ARHGEF33: variants seen among roughly 807,000 people sequenced by gnomAD.
The protein encoded by ARHGEF33 is Rho guanine nucleotide exchange factor 33, also known as DH and coiled-coil domain-containing protein ENSP00000381780.
A neutral mutation model predicts 101.9 loss-of-function variants in ARHGEF33; 72 were observed. The ratio of observed to expected loss-of-function variants is 0.71; its 90% CI spans 0.58 to 0.86. ARHGEF33 has a LOEUF of 0.86. Among genes scored for constraint, ARHGEF33 ranks in the 40% least tolerant of loss-of-function variants. The pLI is 0.00. For missense variants in ARHGEF33, 1,169 were observed against 1,111.3 expected (o/e 1.05, Z -0.74); for synonymous variants, 499 against 442.5 (o/e 1.13, Z -1.60).
chr2:38,921,908 G>T (rs959364755), intron 4 of ARHGEF33, among the ~76,000 whole-genome samples: 1 of 152,148 alleles, frequency 6.6e-6, no homozygotes, highest in African/African-American at 2.4e-5. Context: ...TTAGCAGGGA[G>T]AATTGAGAAT....
chr2:38,953,991 G>A (rs775405085), intron 12 of ARHGEF33, among the ~76,000 whole-genome samples: 2 of 152,212 alleles, frequency 1.3e-5, no homozygotes, highest in African/African-American at 4.8e-5. Flanking sequence ...GTCCTGAAGC[G>A]CCAAGTCTCC....
chr2:38,945,700 A>G (rs1667429223), intron 10 of ARHGEF33, among the ~76,000 whole-genome samples: 1 of 152,264 alleles, frequency 6.6e-6, no homozygotes, highest in Non-Finnish European at 1.5e-5. Context: ...ATTCTAAGCC[A>G]GCAGCGTCTC....
At chr2:38,900,947 C>T (rs1016201194) in intron 2 of ARHGEF33, among the ~76,000 whole-genome samples, 1 of 152,210 alleles carries the variant, frequency 6.6e-6, no homozygotes, top group African/African-American at 2.4e-5. Flanking sequence ...AACAGTTCAG[C>T]TCTGGCCTCA....
chr2:38,920,901 C>T (rs1158932533), intron 3 of ARHGEF33, among the ~76,000 whole-genome samples: 1 of 152,124 alleles, frequency 6.6e-6, no homozygotes, highest in Non-Finnish European at 1.5e-5. Context: ...GACAGCAGGG[C>T]AGAGTTCAGA....
intron 10 of ARHGEF33, among the ~76,000 whole-genome samples, chr2:38,945,245 C>G (rs1431691357): frequency 6.6e-6 from 1 of 152,124 alleles, no homozygotes; most frequent in African/African-American, 2.4e-5. Flanking sequence ...TTTTCTTGCT[C>G]CTTACCATCC....
intron 2 of ARHGEF33, among the ~76,000 whole-genome samples, chr2:38,917,682 A>T (rs1045727998): frequency 6.6e-6 from 1 of 151,924 alleles, no homozygotes; most frequent in Non-Finnish European, 1.5e-5. Flanking sequence ...TAAAAAAATT[A>T]GCCAGGCATA....
At chr2:38,895,144 G>A (rs1666092188) in intron 1 of ARHGEF33, among the ~76,000 whole-genome samples, 2 of 152,124 alleles carry the variant, frequency 1.3e-5, no homozygotes, top group South Asian at 2.1e-4. Flanking sequence ...TCCACACTGT[G>A]AGGCAAGTAT....
intron 4 of ARHGEF33, among the ~76,000 whole-genome samples, chr2:38,926,012 CAAG>C (rs1666860820): frequency 6.6e-6 from 1 of 151,746 alleles, no homozygotes; most frequent in Non-Finnish European, 1.5e-5. Flanking sequence ...GTTAAGAAGC[CAAG>C]AAAAGAAAGA....
intron 1 of ARHGEF33, among the ~76,000 whole-genome samples, chr2:38,892,589 C>G (rs750159256): frequency 1.3e-5 from 2 of 152,166 alleles, no homozygotes; most frequent in Non-Finnish European, 2.9e-5. Context: ...CCCCAATTGA[C>G]AAAAACAAAA....
intron 17 of ARHGEF33, among the ~76,000 whole-genome samples, chr2:38,970,226 C>G (rs1668135814): frequency 6.6e-6 from 1 of 152,176 alleles, no homozygotes. Context: ...CCATCACTGT[C>G]TATTTTCTTA....
At chr2:38,912,582 G>C (rs1666531851) in intron 2 of ARHGEF33, among the ~76,000 whole-genome samples, 1 of 152,124 alleles carries the variant, frequency 6.6e-6, no homozygotes, top group Admixed American at 6.5e-5. Context: ...AAAGGACTCT[G>C]TTCCTTTTTA....
At chr2:38,927,691 G>A (rs1323654666) in intron 4 of ARHGEF33, among the ~76,000 whole-genome samples, 1 of 152,172 alleles carries the variant, frequency 6.6e-6, no homozygotes, top group Non-Finnish European at 1.5e-5. Flanking sequence ...GCAAGACCCT[G>A]TCTCAAAACA....
intron 10 of ARHGEF33, among the ~76,000 whole-genome samples, chr2:38,944,876 G>GGGGTGT (rs1553343310): frequency 6.9e-6 from 1 of 145,742 alleles, no homozygotes; most frequent in South Asian, 2.2e-4. Context: ...GTAATGCATG[G>GGGGTGT]GTGTGTGTGT....
chr2:38,908,107 C>A (rs1366801696), intron 2 of ARHGEF33, among the ~76,000 whole-genome samples: 1 of 152,140 alleles, frequency 6.6e-6, no homozygotes, highest in African/African-American at 2.4e-5. Flanking sequence ...TCAAATGACT[C>A]TTTTGCCTCA....
Position 38,958,180 on chromosome 2 carries a change from G to T in ARHGEF33, c.1517G>T (p.Ser506Ile), listed in dbSNP as rs370134244. The T allele has an allele frequency of 2.6e-6, 4 of 1,551,608 alleles. No individual in the cohort carries two copies. The highest frequency in any genetic ancestry group is 2.7e-5 in the African/African-American group (2 of 73,048). The change falls in exon 15 of 18, where the codon AGT becomes ATT. Residue 506 changes from serine (S) to isoleucine (I), a missense_variant. Transcript: ENST00000409978. Reference protein sequence around the residue: ...ELLQPYPSAPSSGPAITHLMP... With the variant: ...ELLQPYPSAPISGPAITHLMP... ...CTGCAACCCTACCCTTCTGCTCCCA[G>T]TTCTGGCCCTGCCATCACGTAAGCA...
chr2:38,920,315 C>A (rs904550962), intron 3 of ARHGEF33, among the ~76,000 whole-genome samples: 2 of 151,718 alleles, frequency 1.3e-5, no homozygotes, highest in African/African-American at 4.8e-5. Context: ...TATGGCCAAC[C>A]AATGTGGTGC....
At chr2:38,939,836 A>G (rs141528110) in intron 9 of ARHGEF33, among the ~76,000 whole-genome samples, 65 of 152,330 alleles carry the variant, frequency 4.3e-4, no homozygotes, top group African/African-American at 1.4e-3. Context: ...AACTCTTAAA[A>G]TAGCTCGTGA....
chr2:38,905,729 G>A (rs1425868820), intron 2 of ARHGEF33, among the ~76,000 whole-genome samples: 1 of 152,196 alleles, frequency 6.6e-6, no homozygotes, highest in African/African-American at 2.4e-5. Context: ...CAAAATGGAA[G>A]ACCCTCTGAA....
At chr2:38,957,165 G>C (rs1667788096) in intron 14 of ARHGEF33, 118 bp downstream of exon 14, 4 of 1,219,950 alleles carry the variant, frequency 3.3e-6, no homozygotes, top group Middle Eastern at 4.1e-4. Flanking sequence ...TAGAAGGAAA[G>C]AGAGAAGGGG....
Sources: allele counts gnomAD v4.1 joint callset (sites outside exome capture counted in the v4.1 genomes callset), GRCh38; gene constraint gnomAD v4.1.1; transcripts MANE v1.5; gene names NCBI Gene and HGNC (gene_info 2026-07-23, HGNC 2026-07-21).